Variants in NPAS4 observed in about 807,000 individuals in gnomAD.
The protein encoded by NPAS4 is neuronal PAS domain protein 4, also known as neuronal PAS domain-containing protein 4.
A neutral mutation model predicts 64.0 loss-of-function variants in NPAS4; 10 were observed. The ratio of observed to expected loss-of-function variants is 0.16; its 90% CI spans 0.10 to 0.26. NPAS4 has a LOEUF of 0.26. NPAS4 is among the 10% of genes least tolerant of loss of function. NPAS4 has a pLI of 1.00. For synonymous variants in NPAS4, 441 were observed against 411.7 expected (o/e 1.07, Z -0.86); for missense variants, 886 against 992.6 (o/e 0.89, Z 1.44).
the NPAS4 span, among the ~76,000 whole-genome samples, chr11:66,413,961 C>T: frequency 2.6e-5 from 4 of 152,172 alleles, no homozygotes; most frequent in Non-Finnish European, 4.4e-5. Context: ...CAAACTCTGC[C>T]CTCAGCTGTT....
intron 1 of NPAS4, among the ~76,000 whole-genome samples, chr11:66,421,614 C>T (rs1302658095): frequency 6.6e-6 from 1 of 152,254 alleles, no homozygotes; most frequent in African/African-American, 2.4e-5. Context: ...GACAGAGCGG[C>T]CTCGGTGCCC....
chr11:66,425,352 C>T (rs1856823507), intron 7 of NPAS4, 82 bp downstream of exon 7: 1 of 704,094 alleles, frequency 1.4e-6, no homozygotes, highest in Non-Finnish European at 2.3e-6. Flanking sequence ...ATCAATTCCC[C>T]CTCTCTGTAC....
At position 66,421,290 on chromosome 11, in the gene NPAS4, G is replaced by T. The variant is rs77600363; in HGVS notation, c.111G>T (p.Leu37=). 0.22 allele frequency: 357,544 copies of T among 1,613,626 alleles called. 43,342 individuals are homozygous for T. The highest frequency in any genetic ancestry group is 0.41 in the Admixed American group (24,465 of 60,006). ...LPLAEADKVR[L]SYLHIMSLAC... ...TGGCCGAAGCGGACAAGGTCCGGCTGTCCTACCTGCACATCATGAGCCTCG... is the reference window on the plus strand; with the variant it reads ...TGGCCGAAGCGGACAAGGTCCGGCTTTCCTACCTGCACATCATGAGCCTCG... Residue 37 remains leucine (L), a synonymous_variant, in exon 1 of 8, where the codon CTG becomes CTT. Coordinates refer to ENST00000311034, the MANE Select transcript of NPAS4 (RefSeq NM_178864.4).
In NPAS4 at chr11:66,424,288, C is replaced by T; in HGVS notation, c.1398C>T (p.Phe466=). 1 of 1,614,206 alleles carries T rather than the reference C, an allele frequency of 6.2e-7. No homozygotes were observed. Among genetic ancestry groups the T allele is most frequent in the Non-Finnish European group, 8.5e-7 (1 of 1,180,038 alleles). Residue 466 remains phenylalanine (F), a synonymous_variant, in exon 7 of 8, where the codon TTC becomes TTT. Coordinates refer to ENST00000311034, the MANE Select transcript of NPAS4 (RefSeq NM_178864.4). ...AGCTGACTCCAAGCACTGCGACCTT[C>T]TCTGATCAGTTGACGCCCAGCAGTG... ...QEQLTPSTAT[F]SDQLTPSSAT... is the part of the protein sequence containing the mutation.
Position 66,424,982 on chromosome 11 carries a change from G to A in NPAS4, c.2092G>A (p.Ala698Thr), listed in dbSNP as rs1021126883. 1.2e-6 allele frequency: 2 copies of A among 1,614,162 alleles called. No homozygotes were observed. The highest frequency in any genetic ancestry group is 4.5e-5 in the East Asian group (2 of 44,868). Residue 698 changes from alanine to threonine, a missense_variant, in exon 7 of 8, where the codon GCT becomes ACT. Ala to Thr is a moderately conservative substitution (Grantham distance 58). Coordinates refer to ENST00000311034, the MANE Select transcript of NPAS4 (RefSeq NM_178864.4). ...PWKCQELDFL[A>T]DPDNMFLEET... ...GAAATGCCAGGAGCTGGACTTCCTG[G>A]CTGACCCTGATAACATGTTCCTGGA...
rs1483347403 is a variant in NPAS4, at chr11:66,424,471, C to G, written c.1581C>G (p.Ala527=). The G allele has an allele frequency of 6.2e-7, 1 of 1,614,008 alleles. No individual in the cohort carries two copies. The highest frequency in any genetic ancestry group is 1.3e-5 in the African/African-American group (1 of 74,906). ...TCCCAGAGCCTCTGGGCAGCCCTGC[C>G]CATGAACAGCTGACTCCTCCCAGCA... ...ATFPEPLGSP[A]HEQLTPPSTA... is the part of the protein sequence containing the mutation. The change falls in exon 7 of 8, where the codon GCC becomes GCG. Residue 527 remains alanine (A), a synonymous_variant. Transcript: ENST00000311034.
At chr11:66,413,052 G>T in the NPAS4 span, among the ~76,000 whole-genome samples, 5 of 152,220 alleles carry the variant, frequency 3.3e-5, no homozygotes, top group Admixed American at 3.3e-4. Flanking sequence ...CACAGTCCCT[G>T]CCATGGTGAC....
chr11:66,422,980 C>G, intron 4 of NPAS4, 39 bp downstream of exon 4: 1 of 1,592,316 alleles, frequency 6.3e-7, no homozygotes. Context: ...GAAAGGCAGG[C>G]CAGAGATGAA....
intron 1 of NPAS4, 118 bp from the exon 2 acceptor site, chr11:66,422,002 G>A (rs1227347366): frequency 2.3e-6 from 2 of 883,402 alleles, no homozygotes; most frequent in Non-Finnish European, 1.8e-6. Flanking sequence ...ACAGGTGTTT[G>A]CAGAGGCAGG....
chr11:66,421,964 C>T (rs1856750999), intron 1 of NPAS4, among the ~76,000 whole-genome samples, 156 bp from the exon 2 acceptor site: 1 of 152,258 alleles, frequency 6.6e-6, no homozygotes, highest in Non-Finnish European at 1.5e-5. Flanking sequence ...AACAGGTTCC[C>T]TGGCCAAGAG....
At chr11:66,420,947 A>C (rs1339488328), upstream of NPAS4, 3 of 499,418 alleles carry the variant, frequency 6.0e-6, no homozygotes, top group Non-Finnish European at 7.2e-6. Context: ...TGCTTAGCCC[A>C]GCCTCCCGCT....
chr11:66,424,386 A>G lies in NPAS4; in HGVS notation c.1496A>G (p.Asp499Gly), dbSNP rs577862845. Residue 499 changes from aspartate to glycine, a missense_variant, in exon 7 of 8, where the codon GAC becomes GGC. Asp to Gly is a moderately conservative substitution (Grantham distance 94). Coordinates refer to ENST00000311034, the MANE Select transcript of NPAS4 (RefSeq NM_178864.4). ...LTETSVRSYE[D>G]QLTPCTSTFP... ...GAAACCTCGGTCAGAAGCTATGAAG[A>G]CCAGTTGACTCCCTGCACCTCCACC... The G allele has an allele frequency of 4.8e-5, 77 of 1,613,982 alleles. No individual in the cohort carries two copies. In the South Asian group the frequency reaches 7.5e-4, roughly 16 times the overall value.
rs953666001 is a variant in NPAS4 at position 66,424,248 on chromosome 11, G to A, written c.1358G>A (p.Ser453Asn). The change falls in exon 7 of 8, where the codon AGC becomes AAC. Residue 453 changes from serine (S) to asparagine (N), a missense_variant. Transcript: ENST00000311034. ...PFQTHLPTPS[S>N]TLQEQLTPST... ...CAGACCCATTTGCCCACCCCATCCAGCACTCTTCAAGAACAGCTGACTCCA... is the reference window on the plus strand; with the variant it reads ...CAGACCCATTTGCCCACCCCATCCAACACTCTTCAAGAACAGCTGACTCCA... The A allele has an allele frequency of 1.9e-6, 3 of 1,613,876 alleles. No individual in the cohort carries two copies. Among genetic ancestry groups the A allele is most frequent in the Non-Finnish European group, 2.5e-6 (3 of 1,180,024 alleles).
chr11:66,425,020 G>A lies in NPAS4; in HGVS notation c.2130G>A (p.Val710=), dbSNP rs1856817990. Residue 710 remains valine (V), a synonymous_variant, in exon 7 of 8, where the codon GTG becomes GTA. Coordinates refer to ENST00000311034, the MANE Select transcript of NPAS4 (RefSeq NM_178864.4). ...ACATGTTCCTGGAAGAGACGCCCGT[G>A]GAAGACATCTTCATGGATCTCTCTA... The part of the protein sequence containing the change: ...PDNMFLEETP[V]EDIFMDLSTP... 1 of 1,613,800 alleles carries A rather than the reference G, an allele frequency of 6.2e-7. No homozygotes were observed. Among genetic ancestry groups the A allele is most frequent in the Non-Finnish European group, 8.5e-7 (1 of 1,179,866 alleles).
Sources: gnomAD v4.1 joint callset for allele counts (sites outside exome capture counted in the v4.1 genomes callset) on GRCh38, gnomAD v4.1.1 for gene constraint, MANE v1.5 for transcripts, NCBI Gene and HGNC (gene_info 2026-07-23, HGNC 2026-07-21) for gene names.